Variants in PRKN observed in about 807,000 individuals in gnomAD.
PRKN encodes the protein parkin RBR E3 ubiquitin protein ligase.
A neutral mutation model predicts 59.5 loss-of-function variants in PRKN; 56 were observed. That is an observed-to-expected ratio of 0.94 (90% CI 0.76 to 1.18). The LOEUF (loss-of-function observed/expected upper bound fraction) is 1.18. Ranked by LOEUF, PRKN falls within the 50% of genes most tolerant of loss-of-function variation. The probability of loss-of-function intolerance (pLI) is 0.00; values close to 1 mark genes in which losing one functional copy is unlikely to be tolerated. For missense variants in PRKN, 657 were observed against 596.4 expected (o/e 1.10, Z -1.06); for synonymous variants, 250 against 222.1 (o/e 1.13, Z -1.12).
At chr6:161,902,560 A>ATCTTTTTTTTTTT (rs1554245457) in intron 6 of PRKN, among the ~76,000 whole-genome samples, 1 of 125,330 alleles carries the variant, frequency 8.0e-6, no homozygotes. Flanking sequence ...TTATTTATTT[A>ATCTTTTTTTTTTT]TTTATTTTTT....
At position 161,370,017 on chromosome 6, in the gene PRKN, A is replaced by G. The variant is rs79176695; in HGVS notation, c.1168-9812T>C. On this transcript the variant is annotated intron_variant, in intron 10 of 11. Transcript: ENST00000366898. The stretch of plus-strand genomic sequence containing the variant: ...CCGTGTGTTTTCTATGATCACCACC[A>G]TTATTACTTTGTTATTGTAATCATC... The G allele has an allele frequency of 4.7e-3, 2,086 of 441,286 alleles. 44 individuals carry two copies. Among genetic ancestry groups the G allele is most frequent in the African/African-American group, 0.037 (1,850 of 50,050 alleles). The allele number at this position is 441,286 out of a possible 1,614,324, so 27.3% of individuals were successfully genotyped here.
At chr6:162,559,837 G>T (rs1157173244) in intron 1 of PRKN, among the ~76,000 whole-genome samples, 1 of 136,568 alleles carries the variant, frequency 7.3e-6, no homozygotes, top group East Asian at 2.5e-4. Context: ...AATTAAATAG[G>T]TGGCTAATTC....
At chr6:162,692,571 C>CCG (rs1554262673) in intron 1 of PRKN, among the ~76,000 whole-genome samples, 1 of 6,496 alleles carries the variant, frequency 1.5e-4, no homozygotes, top group Non-Finnish European at 3.1e-4. Context: ...ACAAGACAGA[C>CCG]CCCCCCCAAC....
At chr6:162,510,921 T>C (rs1490571840) in intron 1 of PRKN, among the ~76,000 whole-genome samples, 1 of 151,180 alleles carries the variant, frequency 6.6e-6, no homozygotes, top group East Asian at 2.0e-4. Flanking sequence ...AGACTCAGTC[T>C]CAAAAACAAA....
chr6:162,264,748 G>A (rs1171149362), intron 2 of PRKN: 1 of 152,218 alleles, frequency 6.6e-6, no homozygotes, highest in Non-Finnish European at 1.5e-5. Flanking sequence ...CCCAGTTTCT[G>A]TCAAAGGAAA....
intron 1 of PRKN, among the ~76,000 whole-genome samples, chr6:162,504,660 G>A (rs928213612): frequency 2.0e-5 from 3 of 152,076 alleles, no homozygotes; most frequent in African/African-American, 7.2e-5. Flanking sequence ...ATTAGTATAG[G>A]AAGGCTTTAT....
chr6:162,304,836 C>G (rs9347615), intron 2 of PRKN, among the ~76,000 whole-genome samples: 19,544 of 140,174 alleles, frequency 0.14, 2,571 homozygotes, highest in East Asian at 0.52. Flanking sequence ...GATGTGAGTG[C>G]CAGGGTAGTC....
At chr6:161,876,127 T>A (rs1436820036) in intron 6 of PRKN, among the ~76,000 whole-genome samples, 3 of 152,178 alleles carry the variant, frequency 2.0e-5, no homozygotes, top group Non-Finnish European at 4.4e-5. Flanking sequence ...GCTTTTCCTG[T>A]CTCATTAGTT....
At chr6:161,659,617 G>C (rs891996374) in intron 7 of PRKN, among the ~76,000 whole-genome samples, 1 of 152,106 alleles carries the variant, frequency 6.6e-6, no homozygotes, top group African/African-American at 2.4e-5. Context: ...GAAGGTGCTT[G>C]GTGTCACTCG....
chr6:161,724,866 G>A (rs530323698), intron 7 of PRKN, among the ~76,000 whole-genome samples: 1 of 152,142 alleles, frequency 6.6e-6, no homozygotes, highest in African/African-American at 2.4e-5. Flanking sequence ...GCTGGAGATG[G>A]GGCCTGGTAG....
intron 7 of PRKN, among the ~76,000 whole-genome samples, chr6:161,693,346 T>C (rs1043165939): frequency 2.0e-5 from 3 of 152,218 alleles, no homozygotes; most frequent in African/African-American, 7.2e-5. Context: ...GTGTTTTATC[T>C]TATCAGATTT....
Position 161,405,133 on chromosome 6 carries a change from C to T in PRKN, c.1084-18256G>A, listed in dbSNP as rs913909010. On this transcript the variant is annotated intron_variant, in intron 9 of 11. Transcript: ENST00000366898. This position sits in a 1 kb window ranked among gnomAD's most constrained non-coding sequence, Gnocchi z 5.1. ...TTATCTCTCCAAATATCTCACAGGC[C>T]TTTACTTTATTATGGGCCAGGAACA... 1.3e-5 allele frequency among the ~76,000 whole-genome samples: 2 copies of T among 152,158 alleles called. No homozygotes were observed. The highest frequency in any genetic ancestry group is 4.8e-5 in the African/African-American group (2 of 41,434).
chr6:162,168,538 T>A (rs1290349747), intron 4 of PRKN, among the ~76,000 whole-genome samples: 1 of 111,814 alleles, frequency 8.9e-6, no homozygotes, highest in Admixed American at 1.2e-4. Flanking sequence ...CTTTCATCCA[T>A]CATTCTAATC....
rs183951570 is a variant in PRKN at position 161,541,807 on chromosome 6, C to T, written c.1083+7047G>A. 6.3e-3 allele frequency among the ~76,000 whole-genome samples: 949 copies of T among 150,886 alleles called. 12 individuals are homozygous for T. Among genetic ancestry groups the T allele is most frequent in the Middle Eastern group, 0.02 (6 of 294 alleles). On this transcript the variant is annotated intron_variant, in intron 9 of 11. Transcript: ENST00000366898. Reference sequence around the variant, plus strand: ...CTGCACTCCAGCCTGGGTGACAGAGCGAGACTCCGTCTCAAAAAGAAAAAA... The same window carrying T: ...CTGCACTCCAGCCTGGGTGACAGAGTGAGACTCCGTCTCAAAAAGAAAAAA...
At chr6:162,482,226 C>T (rs1792342743) in intron 1 of PRKN, among the ~76,000 whole-genome samples, 1 of 152,182 alleles carries the variant, frequency 6.6e-6, no homozygotes, top group South Asian at 2.1e-4. Flanking sequence ...AGGGCACTGA[C>T]TTTACTACAA....
rs11962503 is a variant in PRKN at position 161,832,668 on chromosome 6, G to A, written c.735-46760C>T. On this transcript the variant is annotated intron_variant, in intron 6 of 11. Transcript: ENST00000366898. The stretch of plus-strand genomic sequence containing the variant: ...AAGATCAATATCAGTGTATACCCGC[G>A]GAACTGTAATACAGGCCGATCCCTA... 7.8e-3 allele frequency among the ~76,000 whole-genome samples: 1,176 copies of A among 150,088 alleles called. 21 individuals are homozygous for A. The highest frequency in any genetic ancestry group is 0.027 in the African/African-American group (1,102 of 40,834).
intron 2 of PRKN, among the ~76,000 whole-genome samples, chr6:162,334,651 G>C (rs916786959): frequency 4.6e-5 from 7 of 152,254 alleles, no homozygotes; most frequent in African/African-American, 1.7e-4. Flanking sequence ...ATGGATTAAG[G>C]AGCAATTTTA....
At chr6:162,044,614 T>C (rs1784186088) in intron 5 of PRKN, among the ~76,000 whole-genome samples, 1 of 152,240 alleles carries the variant, frequency 6.6e-6, no homozygotes. Flanking sequence ...GGAATGTTGA[T>C]TTTATACACT....
At chr6:162,344,200 T>G (rs1174668661) in intron 2 of PRKN, among the ~76,000 whole-genome samples, 1 of 152,176 alleles carries the variant, frequency 6.6e-6, no homozygotes, top group Non-Finnish European at 1.5e-5. Context: ...AAGAGCATAT[T>G]GCACAGCATT....
Sources: gnomAD v4.1 joint callset for allele counts (sites outside exome capture counted in the v4.1 genomes callset) on GRCh38, gnomAD v4.1.1 for gene constraint, Gnocchi (gnomAD v3.1) non-coding constraint, MANE v1.5 for transcripts, NCBI Gene and HGNC (gene_info 2026-07-23, HGNC 2026-07-21) for gene names.